The following STRBP variants were observed in gnomAD, a reference collection of about 807,000 sequenced individuals.
STRBP encodes the protein spermatid perinuclear RNA binding protein.
A neutral mutation model predicts 80.1 loss-of-function variants in STRBP; 13 were observed. The ratio of observed to expected loss-of-function variants is 0.16; its 90% CI spans 0.11 to 0.26. The LOEUF (loss-of-function observed/expected upper bound fraction) is 0.26. STRBP is among the 10% of genes least tolerant of loss of function. The pLI, the probability that STRBP is intolerant of heterozygous loss-of-function variation, is 1.00. For missense variants in STRBP, 485 were observed against 815.2 expected, an observed-to-expected ratio of 0.59 and a Z score of 4.93; for synonymous variants, 284 against 291.2, an observed-to-expected ratio of 0.98 and a Z score of 0.25.
At position 123,124,173 on chromosome 9, in the gene STRBP, T is replaced by C. The variant is rs1165517177; in HGVS notation, c.*1424A>G. The C allele has an allele frequency of 1.0e-6, 1 of 985,454 alleles. No homozygotes were observed. Among genetic ancestry groups the C allele is most frequent in the South Asian group, 4.7e-5 (1 of 21,290 alleles). The allele number at this position is 985,454 out of a possible 1,614,324, so 61.0% of individuals were successfully genotyped here. A position where few individuals can be genotyped will look rare whatever the true frequency, so the allele number is the denominator to read the frequency against. On this transcript the variant is annotated 3_prime_UTR_variant, in exon 19 of 19. Transcript: ENST00000348403. ...CCATATTTTGTGAAGCCCATTCTCA[T>C]GGATGGGCCCTGTCAAGTTCCCAAA...
intron 1 of STRBP, among the ~76,000 whole-genome samples, chr9:123,251,245 A>AAGT (rs1476638521): frequency 6.6e-6 from 1 of 150,884 alleles, no homozygotes; most frequent in Non-Finnish European, 1.5e-5. Context: ...GAAGAAGAAG[A>AAGT]AGGAGAAGGA....
chr9:123,245,148 T>C (rs904139884), intron 1 of STRBP, among the ~76,000 whole-genome samples: 2 of 152,178 alleles, frequency 1.3e-5, no homozygotes, highest in African/African-American at 4.8e-5. Context: ...TACAACAGCA[T>C]GTGAATCCAC....
At chr9:123,176,958 C>T (rs1249057704) in intron 4 of STRBP, among the ~76,000 whole-genome samples, 3 of 152,144 alleles carry the variant, frequency 2.0e-5, no homozygotes, top group Non-Finnish European at 4.4e-5. Context: ...TAAATTAAGA[C>T]AGCATAGGTA....
At chr9:123,245,374 C>CT (rs374306245) in intron 1 of STRBP, among the ~76,000 whole-genome samples, 47 of 152,082 alleles carry the variant, frequency 3.1e-4, no homozygotes, top group Admixed American at 4.6e-4. Context: ...ATCTGTATTT[C>CT]TTTTTTTTGT....
chr9:123,182,217 T>TAA (rs10546358), intron 3 of STRBP, among the ~76,000 whole-genome samples: 84 of 69,786 alleles, frequency 1.2e-3, no homozygotes, highest in Non-Finnish European at 2.3e-3. Context: ...TCCGTTTCTT[T>TAA]AAAAAAAAAA....
At chr9:123,185,099 TAAAAA>T (rs568065774) in intron 2 of STRBP, among the ~76,000 whole-genome samples, 1 of 145,794 alleles carries the variant, frequency 6.9e-6, no homozygotes, top group African/African-American at 2.5e-5. Flanking sequence ...AGAAAAAAAT[TAAAAA>T]AAAAAACCAG....
intron 1 of STRBP, among the ~76,000 whole-genome samples, chr9:123,252,926 T>A (rs2040947424): frequency 6.6e-6 from 1 of 152,186 alleles, no homozygotes; most frequent in Non-Finnish European, 1.5e-5. Flanking sequence ...ACTAGGGGCT[T>A]TCAAAGGAAT....
intron 2 of STRBP, among the ~76,000 whole-genome samples, chr9:123,221,244 G>C (rs2040056756): frequency 6.6e-6 from 1 of 152,032 alleles, no homozygotes; most frequent in East Asian, 1.9e-4. Context: ...TCCTCCCAAA[G>C]ACCCTCTCTC....
intron 11 of STRBP, among the ~76,000 whole-genome samples, chr9:123,149,800 G>T (rs1455350086): frequency 6.6e-6 from 1 of 152,058 alleles, no homozygotes. Context: ...TACCTTTACT[G>T]TCCCCATTAT....
At chr9:123,201,773 T>A (rs1219864972) in intron 2 of STRBP, among the ~76,000 whole-genome samples, 1 of 152,234 alleles carries the variant, frequency 6.6e-6, no homozygotes, top group Non-Finnish European at 1.5e-5. Flanking sequence ...TGTTCTAGCA[T>A]TTCGTTTAAG....
chr9:123,202,829 C>A (rs1168142102), intron 2 of STRBP, among the ~76,000 whole-genome samples: 2 of 152,032 alleles, frequency 1.3e-5, no homozygotes, highest in Non-Finnish European at 1.5e-5. Flanking sequence ...TATACACCTA[C>A]TATCTACCCT....
At position 123,124,329 on chromosome 9, in the gene STRBP, C is replaced by A; in HGVS notation, c.*1268G>T. The A allele has an allele frequency of 2.0e-6, 2 of 985,406 alleles. No individual in the cohort carries two copies. Among genetic ancestry groups the A allele is most frequent in the Non-Finnish European group, 2.4e-6 (2 of 829,946 alleles). 61.0% of individuals were successfully genotyped at this position (985,406 alleles called of 1,614,324 possible). A position where few individuals can be genotyped will look rare whatever the true frequency, so the allele number is the denominator to read the frequency against. On this transcript the variant is annotated 3_prime_UTR_variant, in exon 19 of 19. Transcript: ENST00000348403. ...CATGGGGGTGAGTACCTTAATGAAACCATTGACCTAGTAACATCATTGGCT... is the reference window on the plus strand; with the variant it reads ...CATGGGGGTGAGTACCTTAATGAAAACATTGACCTAGTAACATCATTGGCT...
chr9:123,175,565 C>G (rs2038185132), intron 4 of STRBP, among the ~76,000 whole-genome samples: 1 of 152,124 alleles, frequency 6.6e-6, no homozygotes, highest in Non-Finnish European at 1.5e-5. Context: ...AAATAAAAAG[C>G]ATTTTAAAGC....
At chr9:123,145,850 T>C (rs1021509698) in intron 13 of STRBP, among the ~76,000 whole-genome samples, 1 of 152,216 alleles carries the variant, frequency 6.6e-6, no homozygotes, top group African/African-American at 2.4e-5. Flanking sequence ...AGACAGAGCA[T>C]AAGTAATATA....
intron 2 of STRBP, among the ~76,000 whole-genome samples, chr9:123,186,590 T>C (rs1050096052): frequency 7.2e-4 from 110 of 152,124 alleles, no homozygotes; most frequent in African/African-American, 2.5e-3. Context: ...GTATGTTCTA[T>C]TGGTGCTATA....
intron 2 of STRBP, among the ~76,000 whole-genome samples, chr9:123,229,583 G>A (rs1201703379): frequency 6.6e-6 from 1 of 152,150 alleles, no homozygotes; most frequent in Non-Finnish European, 1.5e-5. Flanking sequence ...GGATTCTCAG[G>A]GCAATATCCT....
At chr9:123,175,617 G>C (rs774905170) in intron 4 of STRBP, among the ~76,000 whole-genome samples, 1 of 152,168 alleles carries the variant, frequency 6.6e-6, no homozygotes, top group Non-Finnish European at 1.5e-5. Context: ...TAACAATAGA[G>C]AATCAGTCAT....
At chr9:123,198,007 T>C (rs1220124054) in intron 2 of STRBP, among the ~76,000 whole-genome samples, 3 of 151,984 alleles carry the variant, frequency 2.0e-5, no homozygotes, top group Admixed American at 1.3e-4. Flanking sequence ...CTTTCAGGAG[T>C]AGGGTGGTAT....
At chr9:123,135,421 G>T (rs983014492) in intron 16 of STRBP, among the ~76,000 whole-genome samples, 3 of 152,142 alleles carry the variant, frequency 2.0e-5, no homozygotes, top group Admixed American at 2.0e-4. Context: ...TGTATGACTA[G>T]AAAATGTTTT....
Sources: allele counts gnomAD v4.1 joint callset (sites outside exome capture counted in the v4.1 genomes callset), GRCh38; gene constraint gnomAD v4.1.1; transcripts MANE v1.5; gene names NCBI Gene and HGNC (gene_info 2026-07-23, HGNC 2026-07-21).